The following COL28A1 variants were observed in gnomAD, a reference collection of about 807,000 sequenced individuals.
The protein encoded by COL28A1 is collagen alpha-1(XXVIII) chain.
In COL28A1, 161 loss-of-function variants were observed where a neutral mutation model predicts 150.2. That is an observed-to-expected ratio of 1.07 (90% CI 0.94 to 1.22). The LOEUF is 1.22. COL28A1 is among the 50% of genes most tolerant of loss of function. The pLI is 0.00. For synonymous variants in COL28A1, 552 were observed against 469.7 expected (o/e 1.18, Z -2.26); for missense variants, 1,617 against 1,388.3 (o/e 1.16, Z -2.62).
chr7:7,412,290 C>T (rs1476740514), intron 27 of COL28A1, among the ~76,000 whole-genome samples: 4 of 152,016 alleles, frequency 2.6e-5, no homozygotes, highest in African/African-American at 7.3e-5. Flanking sequence ...ACAAGGTTTT[C>T]TAAAATTCTG....
intron 8 of COL28A1, among the ~76,000 whole-genome samples, chr7:7,514,825 A>G (rs1043729667): frequency 1.3e-5 from 2 of 152,212 alleles, no homozygotes; most frequent in South Asian, 2.1e-4. Context: ...GGGTAGCACA[A>G]CAAAGCCCGC....
chr7:7,394,031 G>C (rs1318370867), intron 27 of COL28A1, among the ~76,000 whole-genome samples: 1 of 151,916 alleles, frequency 6.6e-6, no homozygotes, highest in Non-Finnish European at 1.5e-5. Flanking sequence ...CAGCCTCCCA[G>C]TATTGTGCTT....
At chr7:7,401,182 A>G (rs1783185373) in intron 27 of COL28A1, among the ~76,000 whole-genome samples, 1 of 151,696 alleles carries the variant, frequency 6.6e-6, no homozygotes, top group South Asian at 2.1e-4. Flanking sequence ...TGTCTACCCC[A>G]CTGGCCACTC....
chr7:7,475,194 A>G (rs189647252), intron 14 of COL28A1, among the ~76,000 whole-genome samples: 3 of 152,208 alleles, frequency 2.0e-5, no homozygotes, highest in Non-Finnish European at 4.4e-5. Flanking sequence ...CTACAGTTAC[A>G]TGACGTAAGT....
At chr7:7,435,337 G>A (rs938217961) in intron 23 of COL28A1, among the ~76,000 whole-genome samples, 8 of 152,156 alleles carry the variant, frequency 5.3e-5, no homozygotes, top group African/African-American at 1.7e-4. Flanking sequence ...ATTTGCTATT[G>A]TCCCCATGAG....
chr7:7,372,196 G>A (rs1781265121), intron 32 of COL28A1, among the ~76,000 whole-genome samples: 1 of 151,762 alleles, frequency 6.6e-6, no homozygotes, highest in Non-Finnish European at 1.5e-5. Flanking sequence ...TCAGGAGATC[G>A]AAACCATCCT....
At chr7:7,477,080 G>A (rs771579438) in intron 14 of COL28A1, 32 bp downstream of exon 14, 2 of 908,586 alleles carry the variant, frequency 2.2e-6, no homozygotes, top group Admixed American at 1.7e-5. Context: ...GTAAGACAAA[G>A]CACCTTTTCC....
downstream of COL28A1, among the ~76,000 whole-genome samples, chr7:7,355,810 G>A (rs898968044): frequency 2.0e-5 from 3 of 152,134 alleles, no homozygotes; most frequent in Non-Finnish European, 4.4e-5. Context: ...TACATACTCT[G>A]CAACCCAGAA....
At chr7:7,354,288 C>G (rs1780298853), downstream of COL28A1, among the ~76,000 whole-genome samples, 2 of 151,996 alleles carry the variant, frequency 1.3e-5, no homozygotes, top group Non-Finnish European at 2.9e-5. Flanking sequence ...GCCACCGCAC[C>G]TGGCCAAAAA....
At chr7:7,522,806 C>CCAAAAAAAAAAAAAAA (rs1460030225) in intron 4 of COL28A1, among the ~76,000 whole-genome samples, 1 of 93,158 alleles carries the variant, frequency 1.1e-5, no homozygotes, top group African/African-American at 5.1e-5. Context: ...AGCTGAAGAG[C>CCAAAAAAAAAAAAAAA]AAAAAAAAAA....
upstream of COL28A1, among the ~76,000 whole-genome samples, chr7:7,537,988 T>C (rs984898489): frequency 6.6e-6 from 1 of 152,154 alleles, no homozygotes; most frequent in Non-Finnish European, 1.5e-5. Context: ...CCTCCTGCCT[T>C]GGAGCTGTTT....
At chr7:7,471,140 A>G (rs1422829044) in intron 15 of COL28A1, among the ~76,000 whole-genome samples, 16 of 148,144 alleles carry the variant, frequency 1.1e-4, no homozygotes, top group Non-Finnish European at 2.1e-4. Flanking sequence ...AAAAAAAAAA[A>G]AAAAGAAAAG....
chr7:7,345,229 T>C, the COL28A1 span, among the ~76,000 whole-genome samples: 2 of 151,916 alleles, frequency 1.3e-5, no homozygotes, highest in Non-Finnish European at 2.9e-5. Context: ...AGTTACATGA[T>C]GTTGTTTGTA....
At chr7:7,515,143 T>C (rs533347100) in intron 8 of COL28A1, among the ~76,000 whole-genome samples, 4 of 152,308 alleles carry the variant, frequency 2.6e-5, no homozygotes, top group African/African-American at 9.6e-5. Flanking sequence ...CTGATTCAGA[T>C]AGAAAATCTG....
intron 3 of COL28A1, among the ~76,000 whole-genome samples, chr7:7,528,687 T>C (rs1161698450): frequency 6.6e-6 from 1 of 152,186 alleles, no homozygotes; most frequent in Non-Finnish European, 1.5e-5. Flanking sequence ...CTAGAAAGTA[T>C]ACACTAATCT....
At chr7:7,382,772 G>A (rs1781941284) in intron 27 of COL28A1, among the ~76,000 whole-genome samples, 2 of 151,846 alleles carry the variant, frequency 1.3e-5, no homozygotes, top group Non-Finnish European at 2.9e-5. Flanking sequence ...CATCTCCCAG[G>A]CCCAACCTCA....
At chr7:7,408,350 A>G (rs2128302681) in intron 27 of COL28A1, among the ~76,000 whole-genome samples, 1 of 152,238 alleles carries the variant, frequency 6.6e-6, no homozygotes, top group Admixed American at 6.5e-5. Context: ...CTGAGCAGGT[A>G]ATTTACTTCA....
intron 9 of COL28A1, among the ~76,000 whole-genome samples, chr7:7,508,930 T>C (rs1780973920): frequency 6.6e-6 from 1 of 152,114 alleles, no homozygotes; most frequent in Non-Finnish European, 1.5e-5. Flanking sequence ...GCCTCCCAGG[T>C]TCAAGCAATT....
intron 8 of COL28A1, among the ~76,000 whole-genome samples, chr7:7,514,443 T>G (rs946850341): frequency 1.3e-5 from 2 of 152,174 alleles, no homozygotes; most frequent in Non-Finnish European, 1.5e-5. Flanking sequence ...CCTAAGTTCT[T>G]AAGGCTGCTA....
Sources: gnomAD v4.1 joint callset for allele counts (sites outside exome capture counted in the v4.1 genomes callset) on GRCh38, gnomAD v4.1.1 for gene constraint, MANE v1.5 for transcripts, NCBI Gene and HGNC (gene_info 2026-07-23, HGNC 2026-07-21) for gene names.